The following DMD variants were observed in gnomAD, a reference collection of about 807,000 sequenced individuals.
The protein encoded by DMD is dystrophin, also known as mutant dystrophin.
DMD carries 63 observed loss-of-function variants against 330.1 expected under a neutral mutation model. The observed-to-expected ratio is 0.19, with a 90% CI of 0.16 to 0.24. The LOEUF is 0.24. Ranked by LOEUF, DMD falls within the 10% of genes least tolerant of loss-of-function variation. DMD has a pLI of 1.00. For synonymous variants in DMD, 1,223 were observed against 959.8 expected (o/e 1.27, Z -5.07); for missense variants, 3,344 against 2,684.1 (o/e 1.25, Z -5.43).
In DMD at chrX:32,441,312, T is replaced by A; in HGVS notation, c.3789A>T (p.Glu1263Asp). 2 of 1,206,301 alleles carry A rather than the reference T, an allele frequency of 1.7e-6. No homozygotes were observed. Among genetic ancestry groups the A allele is most frequent in the African/African-American group, 3.5e-5 (2 of 57,641 alleles). ...RLNGKCKTLE[E>D]VWACWHELLS... ...ATAACTCATGCCAACATGCCCAAAC[T>A]TCCTAAGAAAGAAATATATATCACA... Residue 1263 changes from glutamate (E) to aspartate (D), a missense_variant and splice_region_variant, in exon 28 of 79, where the codon GAA (glutamate) becomes GAT (aspartate). Physicochemically the swap from Glu to Asp is conservative, Grantham distance 45. Coordinates refer to ENST00000357033, the MANE Select transcript of DMD (RefSeq NM_004006.3).
chrX:31,440,979 C>T (rs959165014), intron 60 of DMD, among the ~76,000 whole-genome samples: 8 of 112,096 alleles, frequency 7.1e-5, no homozygotes, highest in African/African-American at 2.6e-4. Flanking sequence ...ACCATTTTGA[C>T]TGATATTACA....
intron 12 of DMD, among the ~76,000 whole-genome samples, chrX:32,602,525 C>T (rs2056310182): frequency 9.0e-6 from 1 of 111,479 alleles, no homozygotes; most frequent in Non-Finnish European, 1.9e-5. Context: ...TTGTGAAATT[C>T]AGTTCCAATG....
At chrX:32,375,575 T>C (rs1412474871) in intron 34 of DMD, among the ~76,000 whole-genome samples, 6 of 112,243 alleles carry the variant, frequency 5.3e-5, no homozygotes, top group African/African-American at 1.9e-4. Flanking sequence ...ATTACTTCTG[T>C]ATGCATAACT....
chrX:33,090,360 TCTATA>T (rs1481141457), intron 1 of DMD, among the ~76,000 whole-genome samples: 3 of 108,748 alleles, frequency 2.8e-5, no homozygotes, highest in Non-Finnish European at 5.7e-5. Flanking sequence ...ATTATTCTAT[TCTATA>T]CTATATTATT....
chrX:31,649,513 C>A (rs1414226932), intron 54 of DMD, among the ~76,000 whole-genome samples: 1 of 111,444 alleles, frequency 9.0e-6, no homozygotes, highest in African/African-American at 3.3e-5. Flanking sequence ...GATCATGACA[C>A]TCTCTGGCCC....
At chrX:32,685,795 C>G (rs187313484) in intron 9 of DMD, among the ~76,000 whole-genome samples, 1 of 111,461 alleles carries the variant, frequency 9.0e-6, no homozygotes, top group Admixed American at 9.6e-5. Flanking sequence ...CATCATTAAT[C>G]CTTCCAAAGA....
intron 13 of DMD, among the ~76,000 whole-genome samples, chrX:32,590,752 G>A (rs1191239162): frequency 9.0e-6 from 1 of 111,223 alleles, no homozygotes; most frequent in South Asian, 3.8e-4. Context: ...CACACTGAGA[G>A]CTGCACTGTC....
chrX:31,510,788 C>T (rs972079640), intron 55 of DMD, among the ~76,000 whole-genome samples: 6 of 110,872 alleles, frequency 5.4e-5, no homozygotes, highest in Admixed American at 9.7e-5. Context: ...GGATTACAGG[C>T]GTGAGCCACC....
chrX:31,292,803 C>T (rs1347964647), intron 62 of DMD, among the ~76,000 whole-genome samples: 3 of 111,878 alleles, frequency 2.7e-5, no homozygotes, highest in Non-Finnish European at 3.8e-5. Context: ...CATGCAACAA[C>T]ATGAGTTAAT....
At chrX:33,309,216 GATT>G (rs2053811661) in intron 1 of DMD, among the ~76,000 whole-genome samples, 1 of 111,593 alleles carries the variant, frequency 9.0e-6, no homozygotes, top group East Asian at 2.8e-4. Flanking sequence ...TAATTAACAG[GATT>G]ATAATTATAT....
chrX:31,698,131 T>C lies in DMD; in HGVS notation c.7661-18545A>G, dbSNP rs1355846527. 4.5e-5 allele frequency among the ~76,000 whole-genome samples: 5 copies of C among 112,166 alleles called. No homozygotes were observed. The East Asian group carries it at 1.4e-3, about 31-fold the overall frequency. ...AGGGAGTGCACACTATGGATCTCAC[T>C]GATCCCACAGAGTACGCCAGAGTTC... is the stretch of plus-strand genomic sequence containing the variant. On this transcript the variant is annotated intron_variant, in intron 52 of 78. Transcript: ENST00000357033.
intron 62 of DMD, chrX:31,266,770 T>C (rs1245942060): frequency 2.6e-6 from 3 of 1,151,909 alleles, no homozygotes; most frequent in Non-Finnish European, 3.5e-6. Context: ...AGTGCACGGA[T>C]TGCGGCCATC....
intron 17 of DMD, among the ~76,000 whole-genome samples, chrX:32,532,140 A>G (rs1210674098): frequency 4.5e-5 from 5 of 111,172 alleles, no homozygotes; most frequent in Non-Finnish European, 5.7e-5. Context: ...TTGCACTTGG[A>G]AAAAAAAGTT....
chrX:31,284,862 ACC>A lies in DMD; in HGVS notation c.9225-23848_9225-23847del, dbSNP rs1556433025. Among the ~76,000 whole-genome samples, 617 of 100,274 alleles carry A rather than the reference ACC, an allele frequency of 6.2e-3. 3 individuals are homozygous for A. Among genetic ancestry groups the A allele is most frequent in the Non-Finnish European group, 6.5e-3 (321 of 49,660 alleles). 87.1% of individuals were successfully genotyped at this position (100,274 alleles called of 115,157 possible). On this transcript the variant is annotated intron_variant, in intron 62 of 78. Coordinates refer to ENST00000357033, the MANE Select transcript of DMD (RefSeq NM_004006.3). Reference sequence around the variant, plus strand: ...CACACACACACACACACACACACACACCCACACCCACACACGCAAAGTATGTA... The same window carrying A: ...CACACACACACACACACACACACACACACACCCACACACGCAAAGTATGTA...
At chrX:32,617,960 A>G (rs2057706683) in intron 11 of DMD, among the ~76,000 whole-genome samples, 1 of 111,875 alleles carries the variant, frequency 8.9e-6, no homozygotes, top group African/African-American at 3.2e-5. Context: ...TAACACAGAT[A>G]TGAAAAAATG....
intron 60 of DMD, among the ~76,000 whole-genome samples, chrX:31,350,715 T>C (rs143393998): frequency 0.012 from 1,330 of 108,568 alleles, 20 homozygotes; most frequent in African/African-American, 0.043. Context: ...CTGAGTGCAC[T>C]GACTGCAGGT....
chrX:32,419,601 A>AGATTTATGT (rs1280740503), intron 29 of DMD, among the ~76,000 whole-genome samples: 1 of 112,330 alleles, frequency 8.9e-6, no homozygotes, highest in Non-Finnish European at 1.9e-5. Flanking sequence ...AAAGGCTTCT[A>AGATTTATGT]GATTTATGTT....
intron 1 of DMD, among the ~76,000 whole-genome samples, chrX:33,224,586 G>T (rs2052250595): frequency 9.0e-6 from 1 of 111,238 alleles, no homozygotes; most frequent in Non-Finnish European, 1.9e-5. Flanking sequence ...GCATGACTAG[G>T]CAGAGCACAA....
At chrX:31,971,046 T>A (rs2095394896) in intron 44 of DMD, among the ~76,000 whole-genome samples, 1 of 111,319 alleles carries the variant, frequency 9.0e-6, no homozygotes, top group African/African-American at 3.3e-5. Flanking sequence ...CGCATACAAA[T>A]CTCCTGGAGA....
Sources: allele counts gnomAD v4.1 joint callset (sites outside exome capture counted in the v4.1 genomes callset), GRCh38; gene constraint gnomAD v4.1.1; transcripts MANE v1.5; gene names NCBI Gene and HGNC (gene_info 2026-07-23, HGNC 2026-07-21).